SH3GL2: variants seen among roughly 807,000 people sequenced by gnomAD.
SH3GL2 encodes the protein SH3 domain containing GRB2 like 2, endophilin A1.
SH3GL2 carries 24 observed loss-of-function variants against 46.0 expected under a neutral mutation model. That is an observed-to-expected ratio of 0.52 (90% confidence interval 0.38 to 0.73). SH3GL2 has a LOEUF of 0.73. SH3GL2 is among the 30% of genes least tolerant of loss of function. SH3GL2 has a pLI of 0.00. For missense variants in SH3GL2, 413 were observed against 424.2 expected (o/e 0.97, Z 0.23); for synonymous variants, 196 against 147.1 (o/e 1.33, Z -2.40).
intron 1 of SH3GL2, among the ~76,000 whole-genome samples, chr9:17,692,577 G>T (rs1435662632): frequency 1.3e-5 from 2 of 151,758 alleles, no homozygotes; most frequent in Non-Finnish European, 1.5e-5. Context: ...GACAAGAGAC[G>T]GAGGTTACAG....
chr9:17,701,757 C>A (rs991152255), intron 1 of SH3GL2, among the ~76,000 whole-genome samples: 1 of 151,894 alleles, frequency 6.6e-6, no homozygotes, highest in South Asian at 2.1e-4. Flanking sequence ...TATAATTTTT[C>A]TATTTAAAAA....
intron 1 of SH3GL2, among the ~76,000 whole-genome samples, chr9:17,593,540 A>C (rs373562467): frequency 6.6e-6 from 1 of 152,158 alleles, no homozygotes; most frequent in African/African-American, 2.4e-5. Flanking sequence ...TTTTTTTCCT[A>C]CATCCTTACA....
chr9:17,666,157 G>T (rs531038717), intron 1 of SH3GL2, among the ~76,000 whole-genome samples: 1 of 151,764 alleles, frequency 6.6e-6, no homozygotes, highest in South Asian at 2.1e-4. Context: ...TTAGGCTGGG[G>T]GTATGTAGTC....
chr9:17,686,748 A>G (rs1286578275), intron 1 of SH3GL2, among the ~76,000 whole-genome samples: 6 of 136,338 alleles, frequency 4.4e-5, no homozygotes, highest in Admixed American at 1.7e-4. Flanking sequence ...GTGAAATCAC[A>G]TGGACACAGG....
chr9:17,704,332 G>A lies in SH3GL2; in HGVS notation c.46-42734G>A, dbSNP rs116772212. Among the ~76,000 whole-genome samples the A allele has an allele frequency of 5.4e-3, 825 of 152,104 alleles. 5 individuals carry two copies. Among genetic ancestry groups the A allele is most frequent in the African/African-American group, 0.019 (793 of 41,486 alleles). On this transcript the variant is annotated intron_variant, in intron 1 of 8. Coordinates refer to ENST00000380607, the MANE Select transcript of SH3GL2 (RefSeq NM_003026.5). The stretch of plus-strand genomic sequence containing the variant: ...GAAAATATTTTATGCTCACAGATAG[G>A]AAGAATCAATATTGTTAAAACAGTT...
At chr9:17,694,382 T>A (rs1821154743) in intron 1 of SH3GL2, among the ~76,000 whole-genome samples, 1 of 152,168 alleles carries the variant, frequency 6.6e-6, no homozygotes, top group African/African-American at 2.4e-5. Context: ...TTTTTAATGC[T>A]AATAAGTAAG....
At chr9:17,755,059 G>A (rs1822949030) in intron 2 of SH3GL2, among the ~76,000 whole-genome samples, 2 of 152,114 alleles carry the variant, frequency 1.3e-5, no homozygotes, top group South Asian at 4.1e-4. Context: ...TCCTTGTCTT[G>A]TGCCGGTTTT....
chr9:17,772,864 A>G (rs1823529746), intron 3 of SH3GL2, among the ~76,000 whole-genome samples: 1 of 152,178 alleles, frequency 6.6e-6, no homozygotes, highest in Admixed American at 6.5e-5. Flanking sequence ...ATATCCAGAA[A>G]TGGAATTGCT....
chr9:17,686,683 G>A lies in SH3GL2; in HGVS notation c.46-60383G>A, dbSNP rs946679832. Among the ~76,000 whole-genome samples, 185 of 144,654 alleles carry A rather than the reference G, an allele frequency of 1.3e-3. 2 individuals are homozygous for A. Among genetic ancestry groups the A allele is most frequent in the East Asian group, 7.8e-3 (37 of 4,730 alleles). 94.9% of individuals were successfully genotyped at this position (144,654 alleles called of 152,430 possible). A position where few individuals can be genotyped will look rare whatever the true frequency, so the allele number is the denominator to read the frequency against. On this transcript the variant is annotated intron_variant, in intron 1 of 8. Coordinates refer to ENST00000380607, the MANE Select transcript of SH3GL2 (RefSeq NM_003026.5). ...AAATCATCATTCTCAGTAAACTATC[G>A]CAAGAACAAAAAACCAAACACCGCA...
intron 3 of SH3GL2, among the ~76,000 whole-genome samples, chr9:17,770,635 T>C (rs1444079172): frequency 1.3e-5 from 2 of 152,212 alleles, no homozygotes; most frequent in Non-Finnish European, 2.9e-5. Context: ...ATCACTCCCA[T>C]GACCAAGTCA....
intron 3 of SH3GL2, among the ~76,000 whole-genome samples, chr9:17,772,694 A>G (rs775234781): frequency 8.5e-5 from 13 of 152,208 alleles, no homozygotes; most frequent in South Asian, 2.1e-4. Context: ...TTAAGGCTGA[A>G]TAGTATTCTG....
Position 17,795,621 on chromosome 9 carries a change from G to C in SH3GL2, c.937G>C (p.Glu313Gln). The change falls in exon 9 of 9, where the codon GAG (glutamate) becomes CAG (glutamine). Residue 313 changes from glutamate (E) to glutamine (Q), a missense_variant. Around this residue, in one of 3 missense-constraint regions of SH3GL2, gnomAD observed 248 missense variants for 215.0 expected, o/e 1.15. Coordinates refer to ENST00000380607, the MANE Select transcript of SH3GL2 (RefSeq NM_003026.5). ...AAATGAAGGGGAGTTGGGATTTAAA[G>C]AGGGCGATATCATCACACTCACTAA... is the stretch of plus-strand genomic sequence containing the variant. The part of the protein sequence containing the change: ...PENEGELGFK[E>Q]GDIITLTNQI... 2 of 1,614,090 alleles carry C rather than the reference G, an allele frequency of 1.2e-6. No individual in the cohort carries two copies. The highest frequency in any genetic ancestry group is 1.3e-5 in the African/African-American group (1 of 75,054).
chr9:17,737,520 C>T (rs138059837), intron 1 of SH3GL2, among the ~76,000 whole-genome samples: 3 of 152,182 alleles, frequency 2.0e-5, no homozygotes, highest in African/African-American at 7.2e-5. Context: ...GTTTGCACTG[C>T]TGGAAGCTAT....
intron 2 of SH3GL2, among the ~76,000 whole-genome samples, 178 bp downstream of exon 2, chr9:17,747,312 C>T (rs990120176): frequency 7.2e-5 from 11 of 152,150 alleles, no homozygotes; most frequent in African/African-American, 2.7e-4. Context: ...AATATTCTGT[C>T]TTCCCTTTGT....
intron 1 of SH3GL2, among the ~76,000 whole-genome samples, chr9:17,746,033 A>G (rs1338265271): frequency 1.3e-5 from 2 of 152,124 alleles, no homozygotes; most frequent in Non-Finnish European, 2.9e-5. Flanking sequence ...ATCCGTTTGT[A>G]TTTAATTTGA....
At chr9:17,615,014 G>GT (rs758859025) in intron 1 of SH3GL2, among the ~76,000 whole-genome samples, 9 of 152,184 alleles carry the variant, frequency 5.9e-5, no homozygotes, top group African/African-American at 1.4e-4. Context: ...CCTGACTAGA[G>GT]TGAGCATGTC....
chr9:17,619,503 C>A (rs1588178145), intron 1 of SH3GL2, among the ~76,000 whole-genome samples: 1 of 152,048 alleles, frequency 6.6e-6, no homozygotes, highest in African/African-American at 2.4e-5. Context: ...TATGATGACA[C>A]CCCGTCTCTA....
In SH3GL2 at chr9:17,729,676, T is replaced by C. The variant is rs184064470; in HGVS notation, c.46-17390T>C. On this transcript the variant is annotated intron_variant, in intron 1 of 8. Coordinates refer to ENST00000380607, the MANE Select transcript of SH3GL2 (RefSeq NM_003026.5). ...AGGGGCCCAGTTTCAGTTGTCTGCA[T>C]ATGGGTAGCCAGTTTTCCCAACACC... is the stretch of plus-strand genomic sequence containing the variant. Among the ~76,000 whole-genome samples, 25 of 152,352 alleles carry C rather than the reference T, an allele frequency of 1.6e-4. No individual in the cohort carries two copies. The East Asian group carries it at 4.0e-3, about 25-fold the overall frequency.
At chr9:17,612,726 G>A (rs1024070863) in intron 1 of SH3GL2, among the ~76,000 whole-genome samples, 9 of 152,136 alleles carry the variant, frequency 5.9e-5, no homozygotes, top group African/African-American at 2.2e-4. Context: ...CCACTTATTG[G>A]TTTTAAGTGT....
Sources: gnomAD v4.1 joint callset for allele counts (sites outside exome capture counted in the v4.1 genomes callset) on GRCh38, gnomAD v4.1.1 for gene constraint, gnomAD v4.1.1 regional missense constraint, MANE v1.5 for transcripts, NCBI Gene and HGNC (gene_info 2026-07-23, HGNC 2026-07-21) for gene names.